Variants in ZFP14 observed in about 807,000 individuals in gnomAD.
ZFP14 encodes ZFP14 zinc finger protein.
In ZFP14, 22 loss-of-function variants were observed where a neutral mutation model predicts 54.5. The ratio of observed to expected loss-of-function variants is 0.40; its 90% CI spans 0.29 to 0.58. The LOEUF is 0.58. Ranked by LOEUF, ZFP14 falls within the 20% of genes least tolerant of loss-of-function variation. The probability of loss-of-function intolerance (pLI) is 0.39; values close to 1 mark genes in which losing one functional copy is unlikely to be tolerated. For synonymous variants in ZFP14, 159 were observed against 204.0 expected, an observed-to-expected ratio of 0.78 and a Z score of 1.88; for missense variants, 470 against 637.8, an observed-to-expected ratio of 0.74 and a Z score of 2.83.
chr19:36,365,893 G>A (rs1453747818), intron 2 of ZFP14, among the ~76,000 whole-genome samples: 2 of 151,992 alleles, frequency 1.3e-5, no homozygotes, highest in Admixed American at 6.6e-5. Flanking sequence ...CTGGGAGGTC[G>A]GGGCTGCAGT....
chr19:36,361,566 A>T (rs2031711294), intron 3 of ZFP14, among the ~76,000 whole-genome samples: 1 of 151,092 alleles, frequency 6.6e-6, no homozygotes, highest in African/African-American at 2.4e-5. Context: ...ATGGAGTCTC[A>T]CTCTGTCGCC....
At chr19:36,361,433 T>A (rs1208229810) in intron 3 of ZFP14, among the ~76,000 whole-genome samples, 1 of 147,848 alleles carries the variant, frequency 6.8e-6, no homozygotes, top group Non-Finnish European at 1.5e-5. Context: ...AGAGATGGAG[T>A]TTCACCATGA....
Position 36,340,228 on chromosome 19 carries a change from A to G in ZFP14, c.1598T>C (p.Ile533Thr). ...LTQHQKIHNG[I>T] ...ACATTTGAAGGCTTTCTTCTATTAA[A>G]TTCCATTATGAATCTTCTGATGCTG... The change falls in exon 5 of 5, where the codon ATT becomes ACT. Residue 533 changes from isoleucine to threonine, a missense_variant. Transcript: ENST00000270001. This position sits in a 1 kb window ranked among gnomAD's most constrained non-coding sequence, Gnocchi z 5.4. 1 of 1,559,964 alleles carries G rather than the reference A, an allele frequency of 6.4e-7. No homozygotes were observed. Among genetic ancestry groups the G allele is most frequent in the Non-Finnish European group, 8.7e-7 (1 of 1,154,824 alleles).
chr19:36,351,978 T>C (rs1600072974), intron 4 of ZFP14, among the ~76,000 whole-genome samples: 1 of 142,820 alleles, frequency 7.0e-6, no homozygotes, highest in East Asian at 2.1e-4. Context: ...GGTCAGGATA[T>C]CGAGACCATC....
intron 4 of ZFP14, among the ~76,000 whole-genome samples, chr19:36,346,486 T>G (rs1030395619): frequency 6.6e-6 from 1 of 152,052 alleles, no homozygotes; most frequent in African/African-American, 2.4e-5. Context: ...AGACAGAGTC[T>G]TGCTCTGTCG....
Position 36,375,259 on chromosome 19 carries a change from A to G in ZFP14, c.-80+3904T>C, listed in dbSNP as rs139271097. ...ACTGTAAGGCATACATCTGTATGAAACCCAGTTACCTCCATAAAGACCCTG... is the reference window on the plus strand; with the variant it reads ...ACTGTAAGGCATACATCTGTATGAAGCCCAGTTACCTCCATAAAGACCCTG... On this transcript the variant is annotated intron_variant, in intron 1 of 4. Coordinates refer to ENST00000270001, the MANE Select transcript of ZFP14 (RefSeq NM_020917.3). Among the ~76,000 whole-genome samples the G allele has an allele frequency of 6.7e-3, 1,026 of 152,286 alleles. 6 individuals carry two copies. The highest frequency in any genetic ancestry group is 0.01 in the Non-Finnish European group (705 of 68,018).
chr19:36,376,440 G>A (rs2031963405), intron 1 of ZFP14, among the ~76,000 whole-genome samples: 1 of 152,056 alleles, frequency 6.6e-6, no homozygotes. Context: ...CAGCTACTTG[G>A]GAGGCTGAGG....
At chr19:36,371,696 T>A (rs2031878881) in intron 1 of ZFP14, among the ~76,000 whole-genome samples, 1 of 151,934 alleles carries the variant, frequency 6.6e-6, no homozygotes, top group Non-Finnish European at 1.5e-5. Flanking sequence ...CAGAGGCTCA[T>A]GCCTATAATC....
At position 36,339,972 on chromosome 19, in the gene ZFP14, T is replaced by G; in HGVS notation, c.*252A>C. The G allele has an allele frequency of 2.9e-6, 1 of 349,692 alleles. No individual in the cohort carries two copies. The allele number at this position is 349,692 out of a possible 1,614,324, so 21.7% of individuals were successfully genotyped here. On this transcript the variant is annotated 3_prime_UTR_variant, in exon 5 of 5. Transcript: ENST00000270001. ...TAGTATCTTGTCCAATAAATCAAAC[T>G]GGTAATCAAGTGGAGAAAGGGAGAT...
At chr19:36,369,085 G>A (rs62112631) in intron 1 of ZFP14, among the ~76,000 whole-genome samples, 19 of 152,032 alleles carry the variant, frequency 1.2e-4, no homozygotes, top group Middle Eastern at 3.4e-3. Context: ...CAGGTGATCC[G>A]CCCGCCTCGG....
chr19:36,356,035 G>T (rs2031607589), intron 4 of ZFP14, among the ~76,000 whole-genome samples: 1 of 142,392 alleles, frequency 7.0e-6, no homozygotes, highest in African/African-American at 2.6e-5. Flanking sequence ...AATAATTATA[G>T]ATCCATGGGA....
chr19:36,374,886 C>G (rs1250638417), intron 1 of ZFP14, among the ~76,000 whole-genome samples: 1 of 152,104 alleles, frequency 6.6e-6, no homozygotes, highest in Non-Finnish European at 1.5e-5. Flanking sequence ...TTTCAGTCTT[C>G]CTTTTAACTG....
chr19:36,335,791 G>GT lies in ZFP14; in HGVS notation c.*4432dup, dbSNP rs1453736984. The GT allele has an allele frequency of 1.3e-5, 2 of 152,150 alleles. No individual in the cohort carries two copies. The highest frequency in any genetic ancestry group is 1.3e-4 in the Admixed American group (2 of 15,266). 9.4% of individuals were successfully genotyped at this position (152,150 alleles called of 1,614,324 possible). A position where few individuals can be genotyped will look rare whatever the true frequency, so the allele number is the denominator to read the frequency against. On this transcript the variant is annotated 3_prime_UTR_variant, in exon 5 of 5. Transcript: ENST00000270001. Reference sequence around the variant, plus strand: ...ACTCTGTCACCCAGGCTGGAGTGCAGTGGCGTGATCTTGGTTCACCGCAAC... The same window carrying GT: ...ACTCTGTCACCCAGGCTGGAGTGCAGTTGGCGTGATCTTGGTTCACCGCAAC...
At chr19:36,366,292 A>G (rs1423129778) in intron 2 of ZFP14, among the ~76,000 whole-genome samples, 1 of 151,852 alleles carries the variant, frequency 6.6e-6, no homozygotes, top group African/African-American at 2.4e-5. Flanking sequence ...GTATTGAACT[A>G]TATGATTCCA....
chr19:36,364,208 A>G (rs1167048001), intron 2 of ZFP14, among the ~76,000 whole-genome samples: 2 of 152,198 alleles, frequency 1.3e-5, no homozygotes, highest in African/African-American at 4.8e-5. Flanking sequence ...AGACAATCAA[A>G]TAGCCCACAC....
chr19:36,341,476 G>T lies in ZFP14; in HGVS notation c.350C>A (p.Ser117Tyr). ...ERIKSYSLQG[S>Y]IFRNDWECKS... ...GCATTCCCAATCATTCCTAAAAATG[G>T]AACCCTGAAGGCTATAGCTTTTAAT... The change falls in exon 5 of 5, where the codon TCC becomes TAC. Residue 117 changes from serine (S) to tyrosine (Y), a missense_variant. By Grantham distance (144) the Ser-to-Tyr change is moderately radical. Transcript: ENST00000270001. The surrounding 1 kb of genome is among the most constrained non-coding windows in gnomAD (Gnocchi z 4.2). 6.2e-7 allele frequency: 1 copy of T among 1,614,014 alleles called. No individual in the cohort carries two copies. The highest frequency in any genetic ancestry group is 8.5e-7 in the Non-Finnish European group (1 of 1,180,024).
intron 1 of ZFP14, among the ~76,000 whole-genome samples, chr19:36,368,423 G>A (rs2031828644): frequency 6.6e-6 from 1 of 152,148 alleles, no homozygotes; most frequent in South Asian, 2.1e-4. Flanking sequence ...AGCTGAGATT[G>A]CGCCATTACA....
intron 4 of ZFP14, among the ~76,000 whole-genome samples, chr19:36,355,509 T>C (rs2031598081): frequency 7.2e-6 from 1 of 139,496 alleles, no homozygotes; most frequent in Non-Finnish European, 1.6e-5. Flanking sequence ...GAGATCTCTG[T>C]CTCTATAAAT....
chr19:36,377,016 T>TC (rs2068603925), intron 1 of ZFP14, among the ~76,000 whole-genome samples: 1 of 152,140 alleles, frequency 6.6e-6, no homozygotes, highest in Non-Finnish European at 1.5e-5. Flanking sequence ...GTCAAAAACT[T>TC]CAAGCCACTT....
Sources: gnomAD v4.1 joint callset for allele counts (sites outside exome capture counted in the v4.1 genomes callset) on GRCh38, gnomAD v4.1.1 for gene constraint, Gnocchi (gnomAD v3.1) non-coding constraint, MANE v1.5 for transcripts, NCBI Gene and HGNC (gene_info 2026-07-23, HGNC 2026-07-21) for gene names.